Variants in TMEM116 observed in about 807,000 individuals in gnomAD.
TMEM116 encodes transmembrane protein 116.
In TMEM116, 38 loss-of-function variants were observed where a neutral mutation model predicts 44.3. The ratio of observed to expected loss-of-function variants is 0.86; its 90% CI spans 0.66 to 1.12. The LOEUF (loss-of-function observed/expected upper bound fraction) is 1.12. TMEM116 is among the 50% of genes most tolerant of loss of function. The probability of loss-of-function intolerance (pLI) is 0.00; values close to 1 mark genes in which losing one functional copy is unlikely to be tolerated. For synonymous variants in TMEM116, 132 were observed against 144.8 expected, an observed-to-expected ratio of 0.91 and a Z score of 0.64; for missense variants, 354 against 401.7, an observed-to-expected ratio of 0.88 and a Z score of 1.01.
intron 4 of TMEM116, among the ~76,000 whole-genome samples, chr12:111,958,424 CA>C (rs2074326869): frequency 6.6e-6 from 1 of 150,380 alleles, no homozygotes; most frequent in African/African-American, 2.5e-5. Flanking sequence ...TTCCAAAAAC[CA>C]AAACACCTCT....
intron 4 of TMEM116, among the ~76,000 whole-genome samples, chr12:111,948,290 T>C (rs1056227994): frequency 3.3e-5 from 5 of 152,244 alleles, no homozygotes; most frequent in East Asian, 3.9e-4. Context: ...CTGAGAAACG[T>C]AGGAGTTCAG....
At chr12:111,973,612 A>G (rs2075490389) in intron 4 of TMEM116, among the ~76,000 whole-genome samples, 1 of 152,244 alleles carries the variant, frequency 6.6e-6, no homozygotes, top group Non-Finnish European at 1.5e-5. Context: ...TTTAAGAAAG[A>G]GCAAATTAAA....
Position 112,004,187 on chromosome 12 carries a change from C to G in TMEM116, c.15-324G>C, listed in dbSNP as rs1259238713. 2.0e-5 allele frequency among the ~76,000 whole-genome samples: 3 copies of G among 151,984 alleles called. No homozygotes were observed. In the South Asian group the frequency reaches 6.2e-4, roughly 32 times the overall value. On this transcript the variant is annotated intron_variant, in intron 2 of 10. Coordinates refer to ENST00000552374, the MANE Select transcript of TMEM116 (RefSeq NM_001193531.2). Reference sequence around the variant, plus strand: ...GTAGTGATAGGGTCTTGCTATGTTGCCCAGGCTAGTCTCAAACTCCTGGCC... The same window carrying G: ...GTAGTGATAGGGTCTTGCTATGTTGGCCAGGCTAGTCTCAAACTCCTGGCC...
chr12:111,991,319 G>C (rs957585420), intron 4 of TMEM116, among the ~76,000 whole-genome samples: 1 of 150,274 alleles, frequency 6.7e-6, no homozygotes, highest in African/African-American at 2.4e-5. Context: ...TCAGGAGATC[G>C]AGGCCATCCT....
chr12:111,948,896 T>C (rs1431214067), intron 4 of TMEM116, among the ~76,000 whole-genome samples: 1 of 151,572 alleles, frequency 6.6e-6, no homozygotes, highest in African/African-American at 2.4e-5. Flanking sequence ...CTGGACAACA[T>C]AGCAAGACCT....
chr12:112,005,130 G>T, intron 2 of TMEM116, 127 bp downstream of exon 2: 1 of 574,154 alleles, frequency 1.7e-6, no homozygotes, highest in Non-Finnish European at 2.8e-6. Context: ...ATATCAAGAT[G>T]ATAAAGAATA....
At chr12:111,953,053 T>A (rs114032006) in intron 4 of TMEM116, among the ~76,000 whole-genome samples, 3 of 152,164 alleles carry the variant, frequency 2.0e-5, no homozygotes, top group African/African-American at 7.2e-5. Context: ...TTTAACTTTG[T>A]ACCTATTACT....
chr12:111,988,296 TAAAA>T (rs2076339607), intron 4 of TMEM116, among the ~76,000 whole-genome samples: 1 of 152,200 alleles, frequency 6.6e-6, no homozygotes, highest in Non-Finnish European at 1.5e-5. Context: ...AGTGTATACT[TAAAA>T]GAAGTAAGAT....
At chr12:111,973,245 C>T (rs2075469223) in intron 4 of TMEM116, among the ~76,000 whole-genome samples, 1 of 152,178 alleles carries the variant, frequency 6.6e-6, no homozygotes, top group African/African-American at 2.4e-5. Flanking sequence ...CACAGAAAAT[C>T]CCCAAATATT....
intron 1 of TMEM116, chr12:112,005,718 G>A (rs2077542658): frequency 1.0e-6 from 1 of 984,134 alleles, no homozygotes; most frequent in African/African-American, 1.7e-5. Flanking sequence ...TGTAGAGTGG[G>A]TAGAAAAAGT....
chr12:111,989,138 G>A (rs2076399121), intron 4 of TMEM116, among the ~76,000 whole-genome samples: 1 of 152,112 alleles, frequency 6.6e-6, no homozygotes, highest in Admixed American at 6.6e-5. Flanking sequence ...AACAAAAACT[G>A]GTAGATTGTG....
intron 4 of TMEM116, among the ~76,000 whole-genome samples, chr12:111,991,217 CAAAAAA>C (rs59103081): frequency 4.8e-5 from 3 of 62,840 alleles, no homozygotes; most frequent in East Asian, 4.1e-4. Flanking sequence ...GACTCTGTCT[CAAAAAA>C]AAAAAAAAAA....
At chr12:112,005,501 C>CTTCT (rs1431762723) in intron 1 of TMEM116, 198 bp from the exon 2 acceptor site, 1 of 482,336 alleles carries the variant, frequency 2.1e-6, no homozygotes, top group African/African-American at 2.0e-5. Flanking sequence ...TCTCTTATTT[C>CTTCT]TATTTCACTG....
chr12:112,003,567 C>CAAAA, intron 3 of TMEM116: 3 of 276,174 alleles, frequency 1.1e-5, no homozygotes, highest in Non-Finnish European at 1.8e-5. Flanking sequence ...GACTCCGTCT[C>CAAAA]AAAAAAAAAA....
At chr12:111,991,948 T>G in intron 3 of TMEM116, 59 bp from the exon 4 acceptor site, 1 of 1,477,154 alleles carries the variant, frequency 6.8e-7, no homozygotes. Flanking sequence ...ATGTTAACAA[T>G]GTAACAGTTC....
At chr12:112,004,628 A>G (rs12425329) in intron 2 of TMEM116, among the ~76,000 whole-genome samples, 23,866 of 150,996 alleles carry the variant, frequency 0.16, 2,519 homozygotes, top group African/African-American at 0.3. Flanking sequence ...AAATTTGCAC[A>G]TTCTCCTTAT....
chr12:111,965,636 T>A (rs550800940), intron 4 of TMEM116: 8 of 268,614 alleles, frequency 3.0e-5, no homozygotes, highest in South Asian at 2.3e-4. Context: ...AAAGATACAT[T>A]TAAGGAGGCC....
At chr12:112,002,727 A>G (rs567969655) in intron 3 of TMEM116, among the ~76,000 whole-genome samples, 10 of 152,356 alleles carry the variant, frequency 6.6e-5, no homozygotes, top group African/African-American at 2.4e-4. Flanking sequence ...CAATGAGATA[A>G]AGTATGTAAA....
At position 111,937,147 on chromosome 12, in the gene TMEM116, A is replaced by C. The variant is rs1315365787; in HGVS notation, c.449+13T>G. The C allele has an allele frequency of 6.3e-7, 1 of 1,599,098 alleles. No individual in the cohort carries two copies. Among genetic ancestry groups the C allele is most frequent in the Admixed American group, 1.7e-5 (1 of 59,998 alleles). ...AGTCTGCCATGAAAATTATACATTT[A>C]GTTCTTACTTACTTGTGGCTCTGAC... On this transcript the variant is annotated intron_variant, in intron 7 of 10. Transcript: ENST00000552374.
Sources: allele counts gnomAD v4.1 joint callset (sites outside exome capture counted in the v4.1 genomes callset), GRCh38; gene constraint gnomAD v4.1.1; transcripts MANE v1.5; gene names NCBI Gene and HGNC (gene_info 2026-07-23, HGNC 2026-07-21).